Variants in AUTS2 observed in about 807,000 individuals in gnomAD.
AUTS2 encodes autism susceptibility gene 2 protein.
AUTS2 carries 17 observed loss-of-function variants against 112.4 expected under a neutral mutation model. The observed-to-expected ratio is 0.15, with a 90% CI of 0.10 to 0.23. AUTS2 has a LOEUF of 0.23. Among genes scored for constraint, AUTS2 ranks in the 10% least tolerant of loss-of-function variants. The probability of loss-of-function intolerance (pLI) is 1.00; values close to 1 mark genes in which losing one functional copy is unlikely to be tolerated. For missense variants in AUTS2, 1,510 were observed against 1,701.6 expected (o/e 0.89, Z 1.98); for synonymous variants, 751 against 702.7 (o/e 1.07, Z -1.09).
chr7:69,709,772 G>A (rs1798234287), intron 1 of AUTS2, among the ~76,000 whole-genome samples: 1 of 152,172 alleles, frequency 6.6e-6, no homozygotes, highest in South Asian at 2.1e-4. Flanking sequence ...TATTATGGGA[G>A]GAGTGTGGAG....
chr7:70,333,414 C>T (rs1040948779), intron 4 of AUTS2, among the ~76,000 whole-genome samples: 7 of 152,090 alleles, frequency 4.6e-5, no homozygotes, highest in Non-Finnish European at 8.8e-5. Flanking sequence ...CCTCAAGGAT[C>T]TAGAACCAGA....
chr7:70,789,927 T>C lies in AUTS2; in HGVS notation c.2711T>C (p.Leu904Pro), dbSNP rs1791776576. 6.2e-7 allele frequency: 1 copy of C among 1,613,976 alleles called. No individual in the cohort carries two copies. Among genetic ancestry groups the C allele is most frequent in the East Asian group, 2.2e-5 (1 of 44,832 alleles). Residue 904 changes from leucine (L) to proline (P), a missense_variant, in exon 19 of 19, where the codon CTG becomes CCG. By Grantham distance (98) the Leu-to-Pro change is moderately conservative. This residue lies in a region of AUTS2 where 788 missense variants were observed against 797.6 expected (regional missense o/e 0.99). Transcript: ENST00000342771. ...GACCACTCGGAATCCCGCAAGGACCTGGCCGCCGACGAGCACAAGGCGAAA... is the reference window on the plus strand; with the variant it reads ...GACCACTCGGAATCCCGCAAGGACCCGGCCGCCGACGAGCACAAGGCGAAA... ...ERDHSESRKD[L>P]AADEHKAKEG...
intron 2 of AUTS2, among the ~76,000 whole-genome samples, chr7:70,033,768 C>T (rs1486395803): frequency 6.6e-6 from 1 of 151,818 alleles, no homozygotes; most frequent in African/African-American, 2.4e-5. Flanking sequence ...CAAAGTTGAG[C>T]TCATAGAAGT....
At chr7:70,134,667 T>C (rs905442595) in intron 4 of AUTS2, 96 bp downstream of exon 4, 5 of 1,173,018 alleles carry the variant, frequency 4.3e-6, no homozygotes, top group Middle Eastern at 3.9e-4. Flanking sequence ...AATCTGAGAA[T>C]TTCTCTCTCA....
intron 5 of AUTS2, among the ~76,000 whole-genome samples, chr7:70,669,491 A>G (rs1346461877): frequency 6.6e-6 from 1 of 152,148 alleles, no homozygotes; most frequent in Non-Finnish European, 1.5e-5. Context: ...GCAGAAAGGG[A>G]CTTCAGTGCA....
At chr7:69,831,584 A>C (rs900596000) in intron 1 of AUTS2, among the ~76,000 whole-genome samples, 1 of 151,450 alleles carries the variant, frequency 6.6e-6, no homozygotes, top group African/African-American at 2.4e-5. Context: ...GGTAAGAAGC[A>C]TGAACCTTCT....
At chr7:70,303,221 G>A (rs1789305297) in intron 4 of AUTS2, among the ~76,000 whole-genome samples, 2 of 152,114 alleles carry the variant, frequency 1.3e-5, no homozygotes, top group African/African-American at 2.4e-5. Flanking sequence ...CCATCCACAT[G>A]CCACCCCCAC....
At chr7:70,174,367 G>A (rs1332906260) in intron 4 of AUTS2, among the ~76,000 whole-genome samples, 1 of 152,202 alleles carries the variant, frequency 6.6e-6, no homozygotes, top group Non-Finnish European at 1.5e-5. Flanking sequence ...TTAAGGAAAG[G>A]AACTATCTCT....
At chr7:69,670,866 CA>C (rs896579912) in intron 1 of AUTS2, among the ~76,000 whole-genome samples, 18 of 149,544 alleles carry the variant, frequency 1.2e-4, no homozygotes, top group African/African-American at 4.4e-4. Flanking sequence ...GACCCTGTCT[CA>C]AAAAAAAAGC....
At chr7:70,026,878 C>G (rs541905520) in intron 2 of AUTS2, among the ~76,000 whole-genome samples, 20 of 151,936 alleles carry the variant, frequency 1.3e-4, no homozygotes, top group Non-Finnish European at 5.9e-5. Context: ...GAAGCTTATT[C>G]GTGGTTAGTT....
Position 70,072,838 on chromosome 7 carries a change from A to T in AUTS2, c.523-45294A>T, listed in dbSNP as rs111950518. 1.6e-3 allele frequency among the ~76,000 whole-genome samples: 242 copies of T among 152,342 alleles called. 6 individuals carry two copies. The highest frequency in any genetic ancestry group is 5.5e-3 in the African/African-American group (228 of 41,584). ...TTGTCTCTTTGAGGATGAGAAAGACAAATATCATTACCCCCATTTCAAAGA... is the reference window on the plus strand; with the variant it reads ...TTGTCTCTTTGAGGATGAGAAAGACTAATATCATTACCCCCATTTCAAAGA... On this transcript the variant is annotated intron_variant, in intron 2 of 18. Coordinates refer to ENST00000342771, the MANE Select transcript of AUTS2 (RefSeq NM_015570.4).
At chr7:70,311,882 A>C (rs1260833982) in intron 4 of AUTS2, among the ~76,000 whole-genome samples, 1 of 152,076 alleles carries the variant, frequency 6.6e-6, no homozygotes, top group Non-Finnish European at 1.5e-5. Flanking sequence ...CGCCTGGCTA[A>C]TTTTTGTATT....
At chr7:69,689,984 C>T (rs565793596) in intron 1 of AUTS2, among the ~76,000 whole-genome samples, 9 of 152,114 alleles carry the variant, frequency 5.9e-5, no homozygotes, top group South Asian at 4.2e-4. Flanking sequence ...TGAGCCACTG[C>T]GCCCGGCCAA....
At chr7:70,233,793 G>A (rs766384525) in intron 4 of AUTS2, among the ~76,000 whole-genome samples, 1 of 152,198 alleles carries the variant, frequency 6.6e-6, no homozygotes, top group African/African-American at 2.4e-5. Flanking sequence ...ATTTCCCATT[G>A]CTGGTAAAGA....
At chr7:70,249,904 A>C (rs1042532559) in intron 4 of AUTS2, among the ~76,000 whole-genome samples, 2 of 144,494 alleles carry the variant, frequency 1.4e-5, no homozygotes, top group African/African-American at 5.2e-5. Flanking sequence ...TAATATTTTA[A>C]GTAAAATTTT....
chr7:70,231,234 A>G (rs1049885488), intron 4 of AUTS2, among the ~76,000 whole-genome samples: 2 of 152,228 alleles, frequency 1.3e-5, no homozygotes, highest in African/African-American at 4.8e-5. Flanking sequence ...TTAGAAACAT[A>G]CATGCTACAA....
intron 4 of AUTS2, among the ~76,000 whole-genome samples, chr7:70,420,142 ATT>A (rs1795156572): frequency 6.6e-6 from 1 of 152,164 alleles, no homozygotes; most frequent in African/African-American, 2.4e-5. Context: ...CTACCTTTGT[ATT>A]TGTTCTGTTA....
At chr7:70,038,976 C>G (rs991749040) in intron 2 of AUTS2, among the ~76,000 whole-genome samples, 1 of 151,980 alleles carries the variant, frequency 6.6e-6, no homozygotes. Flanking sequence ...TCAGGCTGGT[C>G]TCGAGCTTGT....
intron 4 of AUTS2, among the ~76,000 whole-genome samples, chr7:70,393,679 C>T (rs930595963): frequency 1.3e-5 from 2 of 152,146 alleles, no homozygotes; most frequent in Non-Finnish European, 2.9e-5. Flanking sequence ...TAGCCAGCCA[C>T]CCATGCCAAA....
Sources: gnomAD v4.1 joint callset for allele counts (sites outside exome capture counted in the v4.1 genomes callset) on GRCh38, gnomAD v4.1.1 for gene constraint, gnomAD v4.1.1 regional missense constraint, MANE v1.5 for transcripts, NCBI Gene and HGNC (gene_info 2026-07-23, HGNC 2026-07-21) for gene names.